Variants in ADGRV1 observed in about 807,000 individuals in gnomAD.
The protein encoded by ADGRV1 is G-protein coupled receptor 98.
ADGRV1 carries 359 observed loss-of-function variants against 596.2 expected under a neutral mutation model. The observed-to-expected ratio is 0.60, with a 90% CI of 0.55 to 0.66. The LOEUF (loss-of-function observed/expected upper bound fraction) is 0.66. Ranked by LOEUF, ADGRV1 falls within the 30% of genes least tolerant of loss-of-function variation. ADGRV1 has a pLI of 0.00. For synonymous variants in ADGRV1, 2,681 were observed against 2,679.2 expected, an observed-to-expected ratio of 1.00 and a Z score of -0.02; for missense variants, 7,274 against 7,575.6, an observed-to-expected ratio of 0.96 and a Z score of 1.48.
chr5:90,643,697 T>TA, intron 13 of ADGRV1, 106 bp from the exon 14 acceptor site: 1 of 826,414 alleles, frequency 1.2e-6, no homozygotes, highest in Non-Finnish European at 1.8e-6. Flanking sequence ...GTGAGTTATA[T>TA]GCTTCTGAAA....
At chr5:90,674,264 T>A in intron 23 of ADGRV1, 30 bp downstream of exon 23, 1 of 1,522,170 alleles carries the variant, frequency 6.6e-7, no homozygotes, top group East Asian at 2.3e-5. Flanking sequence ...AGAAAAATCC[T>A]CTCTTCTCTG....
In ADGRV1 at chr5:90,627,685, A is replaced by G. The variant is rs372787903; in HGVS notation, c.1147A>G (p.Ile383Val). 4 of 1,613,438 alleles carry G rather than the reference A, an allele frequency of 2.5e-6. No individual in the cohort carries two copies. Among genetic ancestry groups the G allele is most frequent in the African/African-American group, 1.3e-5 (1 of 74,924 alleles). The part of the protein sequence containing the change: ...LISPSVVQVT[I>V]KPNDKPYGVL... ...AAGCCCTTCTGTTGTACAAGTCACC[A>G]TTAAGCCAAATGATAAACCTTATGG... Residue 383 changes from isoleucine to valine, a missense_variant, in exon 7 of 90, where the codon ATT (isoleucine) becomes GTT (valine). By Grantham distance (29) the Ile-to-Val change is conservative. Transcript: ENST00000405460.
At chr5:90,996,274 A>G (rs931985335) in intron 85 of ADGRV1, among the ~76,000 whole-genome samples, 1 of 152,130 alleles carries the variant, frequency 6.6e-6, no homozygotes, top group Non-Finnish European at 1.5e-5. Flanking sequence ...TCAGAGCCCC[A>G]CTGCTCTGTG....
chr5:90,640,436 T>A (rs1028421020), intron 11 of ADGRV1, among the ~76,000 whole-genome samples: 33 of 152,282 alleles, frequency 2.2e-4, no homozygotes, highest in Middle Eastern at 3.4e-3. Flanking sequence ...TATTTTTTTT[T>A]AAATCTAATT....
At chr5:91,017,114 T>TG (rs1783236538) in intron 85 of ADGRV1, among the ~76,000 whole-genome samples, 2 of 151,930 alleles carry the variant, frequency 1.3e-5, no homozygotes, top group African/African-American at 4.8e-5. Flanking sequence ...GCTTTCAAAA[T>TG]GGATATATGT....
At chr5:90,726,369 G>T (rs1168465339) in intron 48 of ADGRV1, among the ~76,000 whole-genome samples, 2 of 152,054 alleles carry the variant, frequency 1.3e-5, no homozygotes, top group African/African-American at 4.8e-5. Flanking sequence ...GCTTCACCCA[G>T]CTTAAAAAGA....
intron 83 of ADGRV1, among the ~76,000 whole-genome samples, chr5:90,942,744 G>A (rs532229133): frequency 2.2e-4 from 33 of 152,238 alleles, no homozygotes; most frequent in African/African-American, 7.7e-4. Context: ...TTATCTGAAC[G>A]ATTGTGTGAA....
At position 90,597,857 on chromosome 5, in the gene ADGRV1, C is replaced by T. The variant is rs2152016176; in HGVS notation, c.23-16978C>T. On this transcript the variant is annotated intron_variant, in intron 1 of 89. Transcript: ENST00000405460. ...TTCTTAGAGAAGAGTATGCATGTTC[C>T]ATTTTTGGAGACAGTCTATGGAGAT... 2.0e-5 allele frequency among the ~76,000 whole-genome samples: 3 copies of T among 152,124 alleles called. No homozygotes were observed. In the South Asian group the frequency reaches 6.2e-4, roughly 32 times the overall value.
At chr5:90,912,532 C>T (rs1772983079) in intron 83 of ADGRV1, among the ~76,000 whole-genome samples, 1 of 152,078 alleles carries the variant, frequency 6.6e-6, no homozygotes, top group African/African-American at 2.4e-5. Flanking sequence ...CACTTTCTCC[C>T]CTCCCTCCTT....
chr5:90,573,331 A>C (rs1007397857), intron 1 of ADGRV1, among the ~76,000 whole-genome samples: 1 of 152,154 alleles, frequency 6.6e-6, no homozygotes, highest in African/African-American at 2.4e-5. Context: ...AATGATGAGG[A>C]TATCTTCTGA....
intron 83 of ADGRV1, among the ~76,000 whole-genome samples, chr5:90,915,659 A>T (rs1243856954): frequency 6.6e-6 from 1 of 152,198 alleles, no homozygotes; most frequent in Non-Finnish European, 1.5e-5. Flanking sequence ...TGATCAATGC[A>T]TGCTACCAAG....
chr5:91,088,992 CT>C (rs977232724), intron 86 of ADGRV1, among the ~76,000 whole-genome samples: 1 of 151,740 alleles, frequency 6.6e-6, no homozygotes, highest in Non-Finnish European at 1.5e-5. Context: ...CATTGTTTCC[CT>C]TTTTTTTCTC....
chr5:91,094,799 G>A (rs1790711492), intron 86 of ADGRV1, among the ~76,000 whole-genome samples: 1 of 152,200 alleles, frequency 6.6e-6, no homozygotes, highest in African/African-American at 2.4e-5. Context: ...TCTGTTTGAA[G>A]TGGTTTGGGG....
Position 91,142,347 on chromosome 5 carries a change from G to T in ADGRV1, c.18433-7683G>T, listed in dbSNP as rs533082106. ...CTAGGAGGTTACAGCTTAAAGGAAG[G>T]TCTTCCTTTTTTAATTCCAAATTTG... On this transcript the variant is annotated intron_variant, in intron 87 of 89. Transcript: ENST00000405460. Among the ~76,000 whole-genome samples, 5 of 152,262 alleles carry T rather than the reference G, an allele frequency of 3.3e-5. No homozygotes were observed. The South Asian group carries it at 6.2e-4, about 19-fold the overall frequency.
At chr5:90,858,484 T>A (rs1767243814) in intron 82 of ADGRV1, among the ~76,000 whole-genome samples, 1 of 152,094 alleles carries the variant, frequency 6.6e-6, no homozygotes, top group Non-Finnish European at 1.5e-5. Flanking sequence ...ATCTTTTTTT[T>A]TTGAGACAGA....
At chr5:90,934,129 C>T (rs1018740462) in intron 83 of ADGRV1, among the ~76,000 whole-genome samples, 1 of 152,208 alleles carries the variant, frequency 6.6e-6, no homozygotes, top group Non-Finnish European at 1.5e-5. Context: ...CATAGTCTCA[C>T]CTCATTTTTT....
At chr5:90,693,803 C>G in intron 32 of ADGRV1, 87 bp from the exon 33 acceptor site, 1 of 1,012,448 alleles carries the variant, frequency 9.9e-7, no homozygotes, top group Admixed American at 3.1e-5. Flanking sequence ...TTTTAAAAAA[C>G]TAAAGACCAC....
At chr5:90,833,174 A>G (rs1764662045) in intron 77 of ADGRV1, among the ~76,000 whole-genome samples, 2 of 152,058 alleles carry the variant, frequency 1.3e-5, no homozygotes, top group African/African-American at 4.8e-5. Flanking sequence ...GAATCTGTAG[A>G]TTGCTTTGGG....
At chr5:90,736,772 C>G (rs947174766) in intron 50 of ADGRV1, among the ~76,000 whole-genome samples, 1 of 151,590 alleles carries the variant, frequency 6.6e-6, no homozygotes, top group Non-Finnish European at 1.5e-5. Context: ...GGTAGTTTCT[C>G]TTGATCCTTT....
Sources: allele counts gnomAD v4.1 joint callset (sites outside exome capture counted in the v4.1 genomes callset), GRCh38; gene constraint gnomAD v4.1.1; transcripts MANE v1.5; gene names NCBI Gene and HGNC (gene_info 2026-07-23, HGNC 2026-07-21).